Variants in FYN observed in about 807,000 individuals in gnomAD.
The protein encoded by FYN is tyrosine-protein kinase Fyn.
FYN carries 10 observed loss-of-function variants against 70.2 expected under a neutral mutation model. That is an observed-to-expected ratio of 0.14 (90% confidence interval 0.09 to 0.24). The LOEUF is 0.24. Among genes scored for constraint, FYN ranks in the 10% least tolerant of loss-of-function variants. The pLI, the probability that FYN is intolerant of heterozygous loss-of-function variation, is 1.00. For synonymous variants in FYN, 236 were observed against 248.6 expected (o/e 0.95, Z 0.48); for missense variants, 319 against 673.1 (o/e 0.47, Z 5.82).
chr6:111,675,610 G>A (rs1379415897), intron 12 of FYN, among the ~76,000 whole-genome samples: 1 of 151,734 alleles, frequency 6.6e-6, no homozygotes, highest in Non-Finnish European at 1.5e-5. Context: ...CTGGCCAACA[G>A]GGTGAAACCT....
chr6:111,716,691 C>G (rs1800658461), intron 4 of FYN, among the ~76,000 whole-genome samples: 1 of 150,586 alleles, frequency 6.6e-6, no homozygotes, highest in Non-Finnish European at 1.5e-5. Flanking sequence ...TAGTAGATAG[C>G]CATTAAATTA....
intron 2 of FYN, among the ~76,000 whole-genome samples, chr6:111,839,520 T>A (rs1165748406): frequency 6.6e-6 from 1 of 151,902 alleles, no homozygotes; most frequent in Non-Finnish European, 1.5e-5. Context: ...ATGCAGAAAA[T>A]GTGCACCTAA....
chr6:111,714,213 A>G, intron 5 of FYN, 134 bp downstream of exon 5: 1 of 634,350 alleles, frequency 1.6e-6, no homozygotes, highest in South Asian at 1.9e-5. Flanking sequence ...TTCTCAAAGT[A>G]TATTGTTGTA....
chr6:111,799,991 C>T (rs967774531), intron 2 of FYN, among the ~76,000 whole-genome samples: 6 of 152,126 alleles, frequency 3.9e-5, no homozygotes, highest in African/African-American at 7.2e-5. Context: ...GGGTTTATTC[C>T]GAAGGACACG....
intron 13 of FYN, among the ~76,000 whole-genome samples, chr6:111,665,865 T>C (rs1797977125): frequency 1.3e-5 from 2 of 152,178 alleles, no homozygotes; most frequent in South Asian, 4.2e-4. Context: ...TCAAGTGATC[T>C]GCCCACCTCG....
chr6:111,768,863 C>T (rs993340068), intron 3 of FYN, among the ~76,000 whole-genome samples: 1 of 152,194 alleles, frequency 6.6e-6, no homozygotes. Flanking sequence ...AGCAGAAATA[C>T]AGCTGCTAAA....
intron 1 of FYN, among the ~76,000 whole-genome samples, chr6:111,865,656 A>G (rs1249506029): frequency 6.6e-6 from 1 of 152,220 alleles, no homozygotes; most frequent in African/African-American, 2.4e-5. Context: ...AAATTATTAT[A>G]GTCCTCTAAA....
At chr6:111,759,138 G>A (rs1263839867) in intron 3 of FYN, 1 of 152,234 alleles carries the variant, frequency 6.6e-6, no homozygotes, top group Non-Finnish European at 1.5e-5. Context: ...ATTTGCAGGT[G>A]AGACAGTCAC....
rs28763978 is a variant in FYN at position 111,719,926 on chromosome 6, G to A, written c.126C>T (p.Phe42=). 2.0e-3 allele frequency: 3,245 copies of A among 1,614,160 alleles called. 52 individuals carry two copies. The African/African-American group carries it at 0.038, about 19-fold the overall frequency. The change falls in exon 4 of 14, where the codon TTC becomes TTT. Residue 42 remains phenylalanine (F), a synonymous_variant. Coordinates refer to ENST00000354650, the MANE Select transcript of FYN (RefSeq NM_002037.5). ...TGTAGTTGGGGATGGAGGTCACACC[G>A]AAGCTGGGGTAGTGCTGAGGGGTGG... ...TDPTPQHYPS[F]GVTSIPNYNN... is the part of the protein sequence containing the mutation.
chr6:111,804,321 A>G (rs1305677758), intron 2 of FYN, among the ~76,000 whole-genome samples: 1 of 152,166 alleles, frequency 6.6e-6, no homozygotes, highest in Non-Finnish European at 1.5e-5. Context: ...CAGAGACCTC[A>G]GCTTTAGAAG....
intron 2 of FYN, among the ~76,000 whole-genome samples, chr6:111,830,931 T>C (rs1482830456): frequency 6.6e-6 from 1 of 152,030 alleles, no homozygotes; most frequent in Admixed American, 6.6e-5. Context: ...ACTGTAGACA[T>C]GGGCATGGGA....
At chr6:111,734,871 G>C (rs1801638890) in intron 3 of FYN, among the ~76,000 whole-genome samples, 1 of 152,186 alleles carries the variant, frequency 6.6e-6, no homozygotes, top group South Asian at 2.1e-4. Flanking sequence ...TATGTGACAG[G>C]CACTGTGCTA....
chr6:111,816,798 A>C (rs546143510), intron 2 of FYN, among the ~76,000 whole-genome samples: 1 of 152,382 alleles, frequency 6.6e-6, no homozygotes, highest in South Asian at 2.1e-4. Context: ...TTAGGAACTT[A>C]TTCTAAGGAG....
At chr6:111,740,606 T>C (rs1801918737) in intron 3 of FYN, among the ~76,000 whole-genome samples, 2 of 152,344 alleles carry the variant, frequency 1.3e-5, no homozygotes, top group South Asian at 4.1e-4. Context: ...TTGGAATGAA[T>C]TTAAATGATA....
intron 1 of FYN, among the ~76,000 whole-genome samples, chr6:111,864,884 A>C (rs1774062660): frequency 6.6e-6 from 1 of 152,176 alleles, no homozygotes; most frequent in Non-Finnish European, 1.5e-5. Context: ...CATTTGACTA[A>C]TGGGTATAAT....
chr6:111,827,714 A>C (rs1265686188), intron 2 of FYN, among the ~76,000 whole-genome samples: 1 of 152,214 alleles, frequency 6.6e-6, no homozygotes, highest in South Asian at 2.1e-4. Context: ...ACACAATTAC[A>C]GTGTTCACAA....
chr6:111,827,050 G>A (rs1562535784), intron 2 of FYN, among the ~76,000 whole-genome samples: 2 of 152,162 alleles, frequency 1.3e-5, no homozygotes, highest in African/African-American at 2.4e-5. Context: ...GTGCTTCCAC[G>A]CAGAACTGTG....
At position 111,748,542 on chromosome 6, in the gene FYN, G is replaced by T. The variant is rs191299229; in HGVS notation, c.-11-28480C>A. ...GGAACTAGTACTCAGAGACATTTTT[G>T]ATCTCAAGGGTTAGGGGCCTGTGGT... On this transcript the variant is annotated intron_variant, in intron 3 of 13. Coordinates refer to ENST00000354650, the MANE Select transcript of FYN (RefSeq NM_002037.5). 9.0e-4 allele frequency among the ~76,000 whole-genome samples: 137 copies of T among 152,296 alleles called. 1 individual carries two copies. The highest frequency in any genetic ancestry group is 3.1e-3 in the African/African-American group (129 of 41,558).
At chr6:111,797,665 C>T (rs1462750527) in intron 2 of FYN, among the ~76,000 whole-genome samples, 2 of 90,846 alleles carry the variant, frequency 2.2e-5, no homozygotes, top group Non-Finnish European at 2.6e-5. Flanking sequence ...ATCAAAGTTT[C>T]ATATATATAT....
Sources: gnomAD v4.1 joint callset for allele counts (sites outside exome capture counted in the v4.1 genomes callset) on GRCh38, gnomAD v4.1.1 for gene constraint, MANE v1.5 for transcripts, NCBI Gene and HGNC (gene_info 2026-07-23, HGNC 2026-07-21) for gene names.